Variants in ADGRL3 observed in about 807,000 individuals in gnomAD.
ADGRL3 encodes the protein adhesion G protein-coupled receptor L3, also known as calcium-independent alpha-latrotoxin receptor 3.
In ADGRL3, 62 loss-of-function variants were observed where a neutral mutation model predicts 153.5. The ratio of observed to expected loss-of-function variants is 0.40; its 90% CI spans 0.33 to 0.50. ADGRL3 has a LOEUF of 0.50. Among genes scored for constraint, ADGRL3 ranks in the 20% least tolerant of loss-of-function variants. The pLI, the probability that ADGRL3 is intolerant of heterozygous loss-of-function variation, is 0.47. For synonymous variants in ADGRL3, 710 were observed against 672.5 expected (o/e 1.06, Z -0.86); for missense variants, 1,641 against 1,859.4 (o/e 0.88, Z 2.16).
At chr4:61,898,350 A>G (rs1222016820) in intron 11 of ADGRL3, among the ~76,000 whole-genome samples, 5 of 152,234 alleles carry the variant, frequency 3.3e-5, no homozygotes, top group East Asian at 3.9e-4. Flanking sequence ...TCTAGAGCCA[A>G]GAAGATTAAG....
At chr4:61,214,929 C>T (rs963185813) in intron 1 of ADGRL3, among the ~76,000 whole-genome samples, 6 of 151,758 alleles carry the variant, frequency 4.0e-5, no homozygotes, top group African/African-American at 9.7e-5. Context: ...CAGAGTGAGA[C>T]CTTGACTATT....
intron 6 of ADGRL3, among the ~76,000 whole-genome samples, chr4:61,681,594 T>C (rs1446894309): frequency 6.6e-6 from 1 of 152,096 alleles, no homozygotes; most frequent in African/African-American, 2.4e-5. Flanking sequence ...ATGATTGTCC[T>C]TATGAACAGG....
chr4:61,905,760 T>G (rs1184190091), intron 11 of ADGRL3, among the ~76,000 whole-genome samples: 2 of 152,048 alleles, frequency 1.3e-5, no homozygotes, highest in Non-Finnish European at 2.9e-5. Context: ...CTGGGCATGG[T>G]GGCATGCACC....
At chr4:61,554,160 C>A (rs2098754009) in intron 4 of ADGRL3, among the ~76,000 whole-genome samples, 2 of 110,632 alleles carry the variant, frequency 1.8e-5, no homozygotes, top group Admixed American at 9.0e-5. Context: ...AATGTCTCTC[C>A]TAACTTAGGT....
Position 61,657,042 on chromosome 4 carries a change from G to C in ADGRL3, c.474-19784G>C, listed in dbSNP as rs115299776. Among the ~76,000 whole-genome samples the C allele has an allele frequency of 6.0e-3, 914 of 152,116 alleles. 6 individuals carry two copies. The highest frequency in any genetic ancestry group is 0.021 in the African/African-American group (871 of 41,506). On this transcript the variant is annotated intron_variant, in intron 5 of 26. Transcript: ENST00000683033. The stretch of plus-strand genomic sequence containing the variant: ...TCTATTCTTTTGATACTTTTTATTT[G>C]CAAACGTGTTTATTTATCAAATGGA...
chr4:61,312,778 G>C (rs373006889), intron 1 of ADGRL3, among the ~76,000 whole-genome samples: 1 of 152,262 alleles, frequency 6.6e-6, no homozygotes, highest in South Asian at 2.1e-4. Flanking sequence ...CTCATTGCTG[G>C]TGAGAACGCA....
At chr4:61,358,617 A>AAAG (rs1193023685) in intron 1 of ADGRL3, among the ~76,000 whole-genome samples, 5 of 144,252 alleles carry the variant, frequency 3.5e-5, no homozygotes, top group Admixed American at 2.1e-4. Flanking sequence ...AAAAAAAAAA[A>AAAG]GAAAGCAGAC....
chr4:61,946,809 A>AT (rs1160178259), intron 15 of ADGRL3, 105 bp from the exon 16 acceptor site: 7 of 866,672 alleles, frequency 8.1e-6, no homozygotes, highest in Admixed American at 4.4e-5. Context: ...TGAATGCTGG[A>AT]TTTTTTGTGT....
intron 4 of ADGRL3, among the ~76,000 whole-genome samples, chr4:61,583,868 A>G (rs1240532737): frequency 1.3e-5 from 2 of 152,030 alleles, no homozygotes; most frequent in Non-Finnish European, 2.9e-5. Flanking sequence ...GAAGGTATGT[A>G]TATGCCTTCT....
chr4:61,235,973 A>G (rs999792876), intron 1 of ADGRL3, among the ~76,000 whole-genome samples: 1 of 135,772 alleles, frequency 7.4e-6, no homozygotes, highest in Non-Finnish European at 1.6e-5. Context: ...TTTATTTCCT[A>G]TATGTGCTTT....
chr4:61,320,003 G>A (rs1001423898), intron 1 of ADGRL3, among the ~76,000 whole-genome samples: 1 of 152,080 alleles, frequency 6.6e-6, no homozygotes, highest in Non-Finnish European at 1.5e-5. Context: ...AAGTCCTAAG[G>A]ATGAAGCCCT....
intron 13 of ADGRL3, among the ~76,000 whole-genome samples, chr4:61,931,276 C>T (rs778480667): frequency 4.6e-5 from 7 of 152,032 alleles, no homozygotes; most frequent in East Asian, 1.9e-4. Context: ...ATTGCATTAC[C>T]GAAGATTTAT....
intron 17 of ADGRL3, among the ~76,000 whole-genome samples, chr4:61,976,855 GAATGGACT>G (rs1239540407): frequency 6.6e-6 from 1 of 152,146 alleles, no homozygotes; most frequent in African/African-American, 2.4e-5. Context: ...AGCAGCATGA[GAATGGACT>G]AATGCACCAT....
intron 21 of ADGRL3, among the ~76,000 whole-genome samples, chr4:62,011,198 A>G (rs2099184729): frequency 6.6e-6 from 1 of 152,176 alleles, no homozygotes; most frequent in Admixed American, 6.5e-5. Flanking sequence ...GACTCCTATG[A>G]CTAAAGATTA....
intron 25 of ADGRL3, among the ~76,000 whole-genome samples, chr4:62,064,758 T>C (rs1311841036): frequency 6.6e-6 from 1 of 151,904 alleles, no homozygotes; most frequent in Non-Finnish European, 1.5e-5. Flanking sequence ...CAGAAAAGGA[T>C]ATATTTGTTA....
intron 6 of ADGRL3, among the ~76,000 whole-genome samples, chr4:61,702,342 G>A (rs1449384881): frequency 2.0e-5 from 3 of 152,154 alleles, no homozygotes; most frequent in Non-Finnish European, 4.4e-5. Context: ...ATGATCAGAA[G>A]TCTTATTCCC....
chr4:61,382,442 G>A (rs1293449843), intron 1 of ADGRL3, among the ~76,000 whole-genome samples: 2 of 151,240 alleles, frequency 1.3e-5, no homozygotes, highest in Admixed American at 6.6e-5. Context: ...TACTTTGAAC[G>A]ATAATACTAT....
At chr4:61,227,667 G>A (rs1303943931) in intron 1 of ADGRL3, among the ~76,000 whole-genome samples, 2 of 152,126 alleles carry the variant, frequency 1.3e-5, no homozygotes, top group Non-Finnish European at 2.9e-5. Flanking sequence ...ACATTCAAAT[G>A]TAGGGCTTAC....
chr4:61,900,681 A>T (rs1277415501), intron 11 of ADGRL3, among the ~76,000 whole-genome samples: 1 of 152,148 alleles, frequency 6.6e-6, no homozygotes, highest in Non-Finnish European at 1.5e-5. Flanking sequence ...GGGTGGATGG[A>T]AGTCTTGATG....
Sources: allele counts gnomAD v4.1 joint callset (sites outside exome capture counted in the v4.1 genomes callset), GRCh38; gene constraint gnomAD v4.1.1; transcripts MANE v1.5; gene names NCBI Gene and HGNC (gene_info 2026-07-23, HGNC 2026-07-21).